Variants in VRK2 observed in about 807,000 individuals in gnomAD.
VRK2 encodes serine/threonine-protein kinase VRK2.
In VRK2, 60 loss-of-function variants were observed where a neutral mutation model predicts 57.6. The ratio of observed to expected loss-of-function variants is 1.04; its 90% CI spans 0.85 to 1.29. The LOEUF (loss-of-function observed/expected upper bound fraction) is 1.29. Ranked by LOEUF, VRK2 falls within the 50% of genes most tolerant of loss-of-function variation. VRK2 has a pLI of 0.00. For missense variants in VRK2, 705 were observed against 588.1 expected, an observed-to-expected ratio of 1.20 and a Z score of -2.06; for synonymous variants, 231 against 199.2, an observed-to-expected ratio of 1.16 and a Z score of -1.35.
intron 12 of VRK2, chr2:58,159,096 T>C: frequency 6.5e-6 from 2 of 309,104 alleles, no homozygotes; most frequent in Non-Finnish European, 1.2e-5. Flanking sequence ...ATAAATTACT[T>C]AAGAGATGGC....
At chr2:58,018,437 C>T (rs1673652250) in intron 1 of VRK2, among the ~76,000 whole-genome samples, 1 of 152,092 alleles carries the variant, frequency 6.6e-6, no homozygotes, top group Non-Finnish European at 1.5e-5. Flanking sequence ...AGTGTTTGCC[C>T]ATATTTTAAA....
chr2:58,056,210 C>T (rs1205982489), intron 2 of VRK2, among the ~76,000 whole-genome samples: 1 of 152,068 alleles, frequency 6.6e-6, no homozygotes, highest in East Asian at 1.9e-4. Context: ...TTTTCCTAAT[C>T]GCCTTATAGC....
intron 1 of VRK2, among the ~76,000 whole-genome samples, chr2:58,010,197 C>A (rs1165876516): frequency 6.6e-6 from 1 of 152,116 alleles, no homozygotes; most frequent in African/African-American, 2.4e-5. Flanking sequence ...TCTTCACAAC[C>A]TATTAGAGGT....
In VRK2 at chr2:58,159,771, T is replaced by C. The variant is rs1183665358; in HGVS notation, c.*78T>C. Reference sequence around the variant, plus strand: ...GAAATGTTGTATTCTTATTTCAGTGTTTCCTTCCAGACATTTTTAAGGTAA... The same window carrying C: ...GAAATGTTGTATTCTTATTTCAGTGCTTCCTTCCAGACATTTTTAAGGTAA... On this transcript the variant is annotated 3_prime_UTR_variant, in exon 13 of 13. Coordinates refer to ENST00000340157, the MANE Select transcript of VRK2 (RefSeq NM_006296.7). 1 of 1,613,152 alleles carries C rather than the reference T, an allele frequency of 6.2e-7. No homozygotes were observed. The highest frequency in any genetic ancestry group is 1.3e-5 in the African/African-American group (1 of 74,914).
chr2:58,104,420 A>G (rs1218774668), intron 7 of VRK2, among the ~76,000 whole-genome samples: 1 of 151,778 alleles, frequency 6.6e-6, no homozygotes, highest in African/African-American at 2.4e-5. Context: ...CACCAATAAC[A>G]GTGAAGCTAA....
In VRK2 at chr2:58,141,023, A is replaced by T. The variant is rs199639670; in HGVS notation, c.1023+1191A>T. Reference sequence around the variant, plus strand: ...ATTGTAGCAAGTGCCTCACAAACCAATTGTCAGCACTATTTACGTATTGCA... The same window carrying T: ...ATTGTAGCAAGTGCCTCACAAACCATTTGTCAGCACTATTTACGTATTGCA... On this transcript the variant is annotated intron_variant, in intron 11 of 12. Transcript: ENST00000340157. 3.9e-4 allele frequency among the ~76,000 whole-genome samples: 59 copies of T among 152,018 alleles called. 1 individual carries two copies. The highest frequency in any genetic ancestry group is 6.9e-4 in the Non-Finnish European group (47 of 67,936).
At chr2:58,099,925 T>C (rs1000227989) in intron 7 of VRK2, among the ~76,000 whole-genome samples, 2 of 152,022 alleles carry the variant, frequency 1.3e-5, no homozygotes, top group Admixed American at 1.3e-4. Context: ...TTTATGAAAA[T>C]GTGTTCTCCA....
rs1573322936 is a variant in VRK2 at position 58,135,997 on chromosome 2, G to C, written c.856+798G>C. ...ACTGGACAATCTCAAAGTTAGCTTT[G>C]AGCTGACTTCTGAAAGTAGATATGT... On this transcript the variant is annotated intron_variant, in intron 10 of 12. Transcript: ENST00000340157. Among the ~76,000 whole-genome samples the C allele has an allele frequency of 3.3e-5, 5 of 152,148 alleles. 2 individuals carry two copies. The highest frequency in any genetic ancestry group is 3.3e-4 in the Admixed American group (5 of 15,278).
chr2:58,158,863 T>C (rs1684490598), intron 12 of VRK2, among the ~76,000 whole-genome samples: 2 of 152,174 alleles, frequency 1.3e-5, no homozygotes, highest in African/African-American at 4.8e-5. Flanking sequence ...ACACTATAGC[T>C]ACCCCTGAGG....
intron 1 of VRK2, among the ~76,000 whole-genome samples, chr2:57,992,487 G>T (rs1672797262): frequency 6.6e-6 from 1 of 151,952 alleles, no homozygotes; most frequent in Non-Finnish European, 1.5e-5. Flanking sequence ...AGTTAAACAT[G>T]AGAAATAATG....
intron 7 of VRK2, among the ~76,000 whole-genome samples, chr2:58,100,492 G>A (rs778139899): frequency 6.6e-5 from 10 of 151,750 alleles, no homozygotes; most frequent in South Asian, 2.1e-4. Flanking sequence ...TAGCATTATA[G>A]TATAGATTAA....
intron 1 of VRK2, among the ~76,000 whole-genome samples, chr2:57,966,248 T>G (rs1671911899): frequency 6.6e-6 from 1 of 152,166 alleles, no homozygotes; most frequent in African/African-American, 2.4e-5. Context: ...AATGGATGAT[T>G]TGCGCACAGT....
chr2:58,063,843 T>A (rs1157062660), intron 2 of VRK2, among the ~76,000 whole-genome samples: 4 of 152,136 alleles, frequency 2.6e-5, no homozygotes, highest in Admixed American at 2.0e-4. Context: ...ACCATCCAGA[T>A]GCCATTAACA....
At chr2:58,076,605 GTTT>G (rs1176192677) in intron 2 of VRK2, among the ~76,000 whole-genome samples, 1 of 151,446 alleles carries the variant, frequency 6.6e-6, no homozygotes, top group Non-Finnish European at 1.5e-5. Context: ...TTCTATTTAG[GTTT>G]TTTATTTTTT....
chr2:58,067,756 T>TG (rs1290646174), intron 2 of VRK2, among the ~76,000 whole-genome samples: 31 of 152,292 alleles, frequency 2.0e-4, no homozygotes, highest in African/African-American at 7.2e-4. Flanking sequence ...GCTCCGTCTG[T>TG]TAAATATATT....
At position 58,132,903 on chromosome 2, in the gene VRK2, A is replaced by G. The variant is rs538037368; in HGVS notation, c.797+975A>G. Among the ~76,000 whole-genome samples, 48 of 152,340 alleles carry G rather than the reference A, an allele frequency of 3.2e-4. 1 individual carries two copies. In the South Asian group the frequency reaches 8.5e-3, roughly 27 times the overall value. ...CCTTACCCAAAACTAAAACATTTAT[A>G]TAAATCTATATTAGAACTAAATCAG... is the stretch of plus-strand genomic sequence containing the variant. On this transcript the variant is annotated intron_variant, in intron 9 of 12. Transcript: ENST00000340157.
chr2:58,034,962 G>A (rs1674230423), intron 3 of VRK2, among the ~76,000 whole-genome samples: 1 of 151,928 alleles, frequency 6.6e-6, no homozygotes, highest in Non-Finnish European at 1.5e-5. Context: ...CATAAATGAG[G>A]CTGTGCTCCT....
At chr2:58,082,749 A>G (rs1207876345) in intron 2 of VRK2, among the ~76,000 whole-genome samples, 1 of 151,860 alleles carries the variant, frequency 6.6e-6, no homozygotes, top group Non-Finnish European at 1.5e-5. Context: ...TTTAAGTGCT[A>G]TAAGTAAGTT....
intron 7 of VRK2, among the ~76,000 whole-genome samples, chr2:58,107,304 T>A (rs908443820): frequency 9.2e-5 from 14 of 151,910 alleles, no homozygotes; most frequent in African/African-American, 3.4e-4. Context: ...AGACCTTTTA[T>A]TTTTTTTGTA....
Sources: gnomAD v4.1 joint callset for allele counts (sites outside exome capture counted in the v4.1 genomes callset) on GRCh38, gnomAD v4.1.1 for gene constraint, MANE v1.5 for transcripts, NCBI Gene and HGNC (gene_info 2026-07-23, HGNC 2026-07-21) for gene names.